Variants in LAMA2 observed in about 807,000 individuals in gnomAD.
The protein encoded by LAMA2 is laminin subunit alpha 2, also known as laminin subunit alpha-2.
In LAMA2, 269 loss-of-function variants were observed where a neutral mutation model predicts 364.8. The ratio of observed to expected loss-of-function variants is 0.74; its 90% confidence interval spans 0.67 to 0.82. LAMA2 has a LOEUF of 0.82. Among genes scored for constraint, LAMA2 ranks in the 40% least tolerant of loss-of-function variants. The probability of loss-of-function intolerance (pLI) is 0.00; values close to 1 mark genes in which losing one functional copy is unlikely to be tolerated. For missense variants in LAMA2, 3,807 were observed against 3,873.2 expected (o/e 0.98, Z 0.45); for synonymous variants, 1,379 against 1,370.6 (o/e 1.01, Z -0.14).
At chr6:129,227,210 G>A (rs1228175935) in intron 12 of LAMA2, among the ~76,000 whole-genome samples, 5 of 152,168 alleles carry the variant, frequency 3.3e-5, no homozygotes, top group South Asian at 4.1e-4. Context: ...CTCTACACTG[G>A]TTATTCTAGG....
intron 4 of LAMA2, among the ~76,000 whole-genome samples, chr6:129,133,181 ATAATT>A (rs1386234455): frequency 3.3e-5 from 5 of 152,252 alleles, no homozygotes; most frequent in African/African-American, 9.6e-5. Context: ...GTTCTGCAAA[ATAATT>A]TAATTTTTTA....
intron 22 of LAMA2, among the ~76,000 whole-genome samples, chr6:129,312,161 A>AC (rs1252287009): frequency 1.3e-5 from 2 of 151,866 alleles, no homozygotes; most frequent in Non-Finnish European, 2.9e-5. Flanking sequence ...GGAAAAAAAA[A>AC]AAACAAACCC....
At chr6:129,098,022 C>T (rs1311015215) in intron 3 of LAMA2, 151 bp from the exon 4 acceptor site, 2 of 920,552 alleles carry the variant, frequency 2.2e-6, no homozygotes, top group Non-Finnish European at 3.4e-6. Flanking sequence ...TAGATATGAA[C>T]CTGTAATAGT....
At chr6:129,023,217 T>C (rs1214554112) in intron 1 of LAMA2, among the ~76,000 whole-genome samples, 1 of 152,198 alleles carries the variant, frequency 6.6e-6, no homozygotes, top group Non-Finnish European at 1.5e-5. Context: ...TTTTTCTCTA[T>C]CTTTGCTGAA....
At chr6:129,480,866 A>G (rs1784311208) in intron 54 of LAMA2, among the ~76,000 whole-genome samples, 1 of 152,186 alleles carries the variant, frequency 6.6e-6, no homozygotes, top group African/African-American at 2.4e-5. Context: ...TTCAAGAGAT[A>G]TTCGTTACAG....
intron 2 of LAMA2, among the ~76,000 whole-genome samples, chr6:129,054,673 T>A (rs191447628): frequency 0.017 from 2,577 of 148,562 alleles, 33 homozygotes; most frequent in South Asian, 0.032. Flanking sequence ...ATATGATATG[T>A]AATATAATAT....
At position 129,079,361 on chromosome 6, in the gene LAMA2, A is replaced by G. The variant is rs1025611483; in HGVS notation, c.397-18812A>G. ...GTGTATAGAAAAATACATTGTATAT[A>G]TGGGCTTCACGCATTGAATGAGGGT... On this transcript the variant is annotated intron_variant, in intron 3 of 64. Coordinates refer to ENST00000421865, the MANE Select transcript of LAMA2 (RefSeq NM_000426.4). 3.3e-5 allele frequency among the ~76,000 whole-genome samples: 5 copies of G among 149,446 alleles called. No homozygotes were observed. The Admixed American group carries it at 3.4e-4, about 10-fold the overall frequency.
rs73776959 is a variant in LAMA2, at chr6:129,346,307, C to T, written c.4437-2991C>T. Among the ~76,000 whole-genome samples the T allele has an allele frequency of 5.3e-3, 814 of 152,284 alleles. 4 individuals carry two copies. Among genetic ancestry groups the T allele is most frequent in the African/African-American group, 0.018 (745 of 41,562 alleles). ...CACTTATCTAGACATCATTAGCAGT[C>T]TGCTCTTGCTATTCCCTCAGACAAT... On this transcript the variant is annotated intron_variant, in intron 30 of 64. Transcript: ENST00000421865.
chr6:128,895,171 C>T (rs1317545685), intron 1 of LAMA2, among the ~76,000 whole-genome samples: 1 of 152,092 alleles, frequency 6.6e-6, no homozygotes, highest in African/African-American at 2.4e-5. Flanking sequence ...AAAGCTTCTT[C>T]TGTGGAAAAA....
chr6:129,169,241 G>A (rs1165721972), intron 9 of LAMA2, among the ~76,000 whole-genome samples: 13 of 148,114 alleles, frequency 8.8e-5, no homozygotes, highest in African/African-American at 3.4e-4. Context: ...TCTTGTGCCA[G>A]TTTTCAAAGG....
At chr6:129,149,750 GA>G (rs1254751175) in intron 7 of LAMA2, among the ~76,000 whole-genome samples, 1 of 151,908 alleles carries the variant, frequency 6.6e-6, no homozygotes, top group Non-Finnish European at 1.5e-5. Context: ...AAAAATGTTT[GA>G]AAAAAAGTTG....
rs571983660 is a variant in LAMA2 at position 129,091,601 on chromosome 6, C to CT, written c.397-6570dup. Reference sequence around the variant, plus strand: ...TAGGAGGTTGGATAAGTGGGTTGCACTTAATAATTCAGTGACAATTACAAA... The same window carrying CT: ...TAGGAGGTTGGATAAGTGGGTTGCACTTTAATAATTCAGTGACAATTACAAA... On this transcript the variant is annotated intron_variant, in intron 3 of 64. Transcript: ENST00000421865. Among the ~76,000 whole-genome samples the CT allele has an allele frequency of 3.7e-3, 556 of 152,200 alleles. 3 individuals carry two copies. Among genetic ancestry groups the CT allele is most frequent in the Middle Eastern group, 0.017 (5 of 294 alleles).
chr6:129,057,327 A>G (rs1431979858), intron 2 of LAMA2, among the ~76,000 whole-genome samples: 2 of 152,186 alleles, frequency 1.3e-5, no homozygotes, highest in Non-Finnish European at 2.9e-5. Context: ...AAGTAAGAAA[A>G]TGAGAACAAC....
At chr6:129,007,694 T>C (rs2114688349) in intron 1 of LAMA2, among the ~76,000 whole-genome samples, 1 of 152,340 alleles carries the variant, frequency 6.6e-6, no homozygotes, top group East Asian at 1.9e-4. Context: ...TGTTCAGTAT[T>C]TTCTGATGAA....
rs568598684 is a variant in LAMA2 at position 129,366,263 on chromosome 6, C to G, written c.4762C>G (p.Arg1588Gly). The change falls in exon 33 of 65, where the codon CGC becomes GGC. Residue 1588 changes from arginine (R) to glycine (G), a missense_variant. Arg to Gly is a moderately radical substitution (Grantham distance 125). Around this residue, in one of 3 missense-constraint regions of LAMA2, gnomAD observed 3,333 missense variants for 3,345.7 expected, o/e 1.00. Transcript: ENST00000421865. ...TGGCCTTCTTCTCGGTGACTTGGCT[C>G]GCCTGGAGCAGATGGTCATGAGCAT... The part of the protein sequence containing the change: ...CTGLLLGDLA[R>G]LEQMVMSINL... 6.8e-6 allele frequency: 11 copies of G among 1,613,636 alleles called. No homozygotes were observed. Among genetic ancestry groups the G allele is most frequent in the South Asian group, 3.3e-5 (3 of 91,048 alleles).
intron 22 of LAMA2, among the ~76,000 whole-genome samples, chr6:129,302,151 C>G (rs1182875378): frequency 6.6e-6 from 1 of 151,860 alleles, no homozygotes; most frequent in African/African-American, 2.4e-5. Context: ...AATGTTTTCT[C>G]TTTTTTTTCT....
chr6:129,073,594 C>A (rs1054303832), intron 3 of LAMA2, among the ~76,000 whole-genome samples: 1 of 152,132 alleles, frequency 6.6e-6, no homozygotes, highest in African/African-American at 2.4e-5. Context: ...TCAGTCTGTA[C>A]ATTTTCTGGG....
intron 9 of LAMA2, among the ~76,000 whole-genome samples, chr6:129,174,442 C>T (rs1269455958): frequency 6.6e-6 from 1 of 151,638 alleles, no homozygotes; most frequent in Non-Finnish European, 1.5e-5. Context: ...TATTTCTCTT[C>T]TAACTCTTAT....
At chr6:128,959,689 A>G (rs1466706076) in intron 1 of LAMA2, among the ~76,000 whole-genome samples, 4 of 152,058 alleles carry the variant, frequency 2.6e-5, no homozygotes, top group Non-Finnish European at 5.9e-5. Context: ...TTATTTTTGC[A>G]AACTGCCCCT....
Sources: allele counts gnomAD v4.1 joint callset (sites outside exome capture counted in the v4.1 genomes callset), GRCh38; gene constraint gnomAD v4.1.1; regional missense constraint gnomAD v4.1.1; transcripts MANE v1.5; gene names NCBI Gene and HGNC (gene_info 2026-07-23, HGNC 2026-07-21).